The following DEPDC5 variants were observed in gnomAD, a reference collection of about 807,000 sequenced individuals.
DEPDC5 encodes the protein GATOR1 complex protein DEPDC5.
DEPDC5 carries 73 observed loss-of-function variants against 217.3 expected under a neutral mutation model. That is an observed-to-expected ratio of 0.34 (90% CI 0.28 to 0.41). DEPDC5 has a LOEUF of 0.41. Ranked by LOEUF, DEPDC5 falls within the 10% of genes least tolerant of loss-of-function variation. The pLI, the probability that DEPDC5 is intolerant of heterozygous loss-of-function variation, is 1.00. For synonymous variants in DEPDC5, 733 were observed against 756.7 expected (o/e 0.97, Z 0.51); for missense variants, 1,675 against 2,070.1 (o/e 0.81, Z 3.70).
In DEPDC5 at chr22:31,843,128, A is replaced by G. The variant is rs1569081129; in HGVS notation, c.2549A>G (p.Asp850Gly). The G allele has an allele frequency of 6.2e-7, 1 of 1,614,016 alleles. No homozygotes were observed. Among genetic ancestry groups the G allele is most frequent in the Middle Eastern group, 1.6e-4 (1 of 6,062 alleles). Residue 850 changes from aspartate to glycine, a missense_variant, in exon 28 of 43, where the codon GAC becomes GGC. This residue lies in a region of DEPDC5 where 293 missense variants were observed against 386.1 expected (regional missense o/e 0.76). Transcript: ENST00000651528. ...LVSRNRPEEE[D>G]QYWLSMGRTF... ...TCCCGAAACCGCCCTGAGGAGGAGG[A>G]CCAGTATTGGCTGAGTATGGGCAGA...
chr22:31,880,638 G>A (rs1266011308), intron 38 of DEPDC5, among the ~76,000 whole-genome samples: 4 of 152,216 alleles, frequency 2.6e-5, no homozygotes, highest in East Asian at 1.9e-4. Flanking sequence ...GGTGGCCCAC[G>A]CCTGTAATCC....
At chr22:31,755,193 G>A (rs139223482) in intron 2 of DEPDC5, 8,032 of 511,852 alleles carry the variant, frequency 0.016, 87 homozygotes, top group Non-Finnish European at 0.019. Flanking sequence ...TGTGAATGCT[G>A]CCGGTTTACT....
chr22:31,862,543 G>A (rs2092553281), intron 33 of DEPDC5, among the ~76,000 whole-genome samples: 1 of 152,134 alleles, frequency 6.6e-6, no homozygotes, highest in African/African-American at 2.4e-5. Flanking sequence ...CCAGCCTGGC[G>A]ACAGAGCCAG....
At chr22:31,783,056 C>T (rs1024144738) in intron 8 of DEPDC5, among the ~76,000 whole-genome samples, 1 of 152,142 alleles carries the variant, frequency 6.6e-6, no homozygotes, top group African/African-American at 2.4e-5. Context: ...ACTTTTCTGT[C>T]TAGCTAGAGG....
At chr22:31,801,779 G>A (rs1405272168) in intron 14 of DEPDC5, among the ~76,000 whole-genome samples, 3 of 152,166 alleles carry the variant, frequency 2.0e-5, no homozygotes, top group South Asian at 2.1e-4. Flanking sequence ...GATGATACGC[G>A]TACACATCAC....
At chr22:31,868,193 A>G (rs190532463) in intron 33 of DEPDC5, among the ~76,000 whole-genome samples, 29 of 152,252 alleles carry the variant, frequency 1.9e-4, no homozygotes, top group Admixed American at 4.6e-4. Context: ...AAATGGTTCT[A>G]TGAGAACCAG....
intron 8 of DEPDC5, among the ~76,000 whole-genome samples, chr22:31,782,141 T>A (rs1311597384): frequency 6.6e-6 from 1 of 150,944 alleles, no homozygotes; most frequent in African/African-American, 2.4e-5. Flanking sequence ...GAAAAAAATT[T>A]TTTTTTTTTT....
chr22:31,879,675 G>A lies in DEPDC5; in HGVS notation c.3956G>A (p.Arg1319Gln), dbSNP rs777643503. The A allele has an allele frequency of 1.4e-5, 23 of 1,614,070 alleles. No individual in the cohort carries two copies. Among genetic ancestry groups the A allele is most frequent in the Admixed American group, 3.3e-5 (2 of 60,002 alleles). ...TTTCTCCTGCCCTGGCTGCCTAGCC[G>A]GCCAGCCTCCTATGCAAGTAGGCAC... ...PAFLLPWLPS[R>Q]PASYASRHSS... The change falls in exon 38 of 43, where the codon CGG becomes CAG. Residue 1319 changes from arginine to glutamine, a missense_variant. By Grantham distance (43) the Arg-to-Gln change is conservative (BLOSUM62 1). Coordinates refer to ENST00000651528, the MANE Select transcript of DEPDC5 (RefSeq NM_001242896.3).
intron 10 of DEPDC5, among the ~76,000 whole-genome samples, chr22:31,788,428 C>T (rs2148461149): frequency 6.6e-6 from 1 of 151,452 alleles, no homozygotes; most frequent in Middle Eastern, 3.4e-3. Context: ...GCATGTGCCA[C>T]TATGCCCGGG....
Position 31,754,859 on chromosome 22 carries a change from C to T in DEPDC5, c.-60-3C>T, listed in dbSNP as rs2075184785. 2 of 1,577,696 alleles carry T rather than the reference C, an allele frequency of 1.3e-6. No individual in the cohort carries two copies. The highest frequency in any genetic ancestry group is 3.4e-5 in the Admixed American group (2 of 58,622). On this transcript the variant is annotated splice_polypyrimidine_tract_variant and splice_region_variant and intron_variant, in intron 1 of 42. Coordinates refer to ENST00000651528, the MANE Select transcript of DEPDC5 (RefSeq NM_001242896.3). ...AACCTTTTCGTTTGTATTTCTGTGG[C>T]AGGGAGGCAAGATGACTTCTCTGCC... is the stretch of plus-strand genomic sequence containing the variant.
chr22:31,873,136 T>G, intron 34 of DEPDC5, 119 bp from the exon 35 acceptor site: 1 of 1,565,840 alleles, frequency 6.4e-7, no homozygotes, highest in Non-Finnish European at 8.7e-7. Context: ...TAAAATGCCT[T>G]TAGTGTCAAC....
At chr22:31,855,568 C>T (rs188091471) in intron 31 of DEPDC5, among the ~76,000 whole-genome samples, 2 of 151,660 alleles carry the variant, frequency 1.3e-5, no homozygotes, top group East Asian at 2.0e-4. Context: ...TTAGTAGAGA[C>T]GGGGTTTCAC....
intron 38 of DEPDC5, among the ~76,000 whole-genome samples, chr22:31,885,849 C>T (rs951369608): frequency 6.6e-6 from 1 of 151,480 alleles, no homozygotes; most frequent in Non-Finnish European, 1.5e-5. Flanking sequence ...GCCTGACCAA[C>T]ATGGTGAAAC....
At chr22:31,756,729 T>TG (rs1337168581) in intron 2 of DEPDC5, among the ~76,000 whole-genome samples, 4 of 152,004 alleles carry the variant, frequency 2.6e-5, no homozygotes, top group Non-Finnish European at 5.9e-5. Context: ...AGGACCAGCC[T>TG]GGCCAACATA....
At chr22:31,758,432 A>G in intron 2 of DEPDC5, 114 bp from the exon 3 acceptor site, 2 of 859,892 alleles carry the variant, frequency 2.3e-6, no homozygotes, top group East Asian at 2.5e-5. Context: ...ATAGAACCTC[A>G]TCTGTCAATG....
chr22:31,846,744 C>A, intron 30 of DEPDC5, 90 bp from the exon 31 acceptor site: 1 of 1,585,130 alleles, frequency 6.3e-7, no homozygotes. Flanking sequence ...TTCCCGGGGC[C>A]TGGGAATGCT....
rs1435670169 is a variant in DEPDC5, at chr22:31,809,667, T to C, written c.1324+20T>C. On this transcript the variant is annotated intron_variant, in intron 19 of 42. Coordinates refer to ENST00000651528, the MANE Select transcript of DEPDC5 (RefSeq NM_001242896.3). ...ATACATGTGAGTATTTTTTGAGATT[T>C]TTTTTCTTGCTTTTAAAAAGAGAGT... is the stretch of plus-strand genomic sequence containing the variant. 6.2e-7 allele frequency: 1 copy of C among 1,613,722 alleles called. No individual in the cohort carries two copies. Among genetic ancestry groups the C allele is most frequent in the Non-Finnish European group, 8.5e-7 (1 of 1,179,770 alleles).
intron 9 of DEPDC5, chr22:31,784,192 CA>C (rs2084748277): frequency 2.4e-6 from 1 of 424,658 alleles, no homozygotes; most frequent in African/African-American, 2.1e-5. Flanking sequence ...TTTCAAACTG[CA>C]TTGTATGTTG....
In DEPDC5 at chr22:31,879,550, C is replaced by G. The variant is rs749528212; in HGVS notation, c.3831C>G (p.Thr1277=). The G allele has an allele frequency of 9.3e-6, 15 of 1,611,930 alleles. No homozygotes were observed. The highest frequency in any genetic ancestry group is 1.3e-5 in the Non-Finnish European group (15 of 1,180,030). Residue 1277 remains threonine, a synonymous_variant, in exon 38 of 43, where the codon ACC becomes ACG. Transcript: ENST00000651528. Reference sequence around the variant, plus strand: ...TGGCCATGCAGCAGCCCGCCACCACCTGGCACACAGCAGGAGTGGACGACT... The same window carrying G: ...TGGCCATGCAGCAGCCCGCCACCACGTGGCACACAGCAGGAGTGGACGACT... ...DRVAMQQPAT[T]WHTAGVDDFA...
Sources: allele counts gnomAD v4.1 joint callset (sites outside exome capture counted in the v4.1 genomes callset), GRCh38; gene constraint gnomAD v4.1.1; regional missense constraint gnomAD v4.1.1; transcripts MANE v1.5; gene names NCBI Gene and HGNC (gene_info 2026-07-23, HGNC 2026-07-21).